NMBR: variants seen among roughly 807,000 people sequenced by gnomAD.
NMBR encodes the protein neuromedin-B receptor.
Under a neutral mutation model 20.5 loss-of-function variants are expected in NMBR, and 16 were observed. That is an observed-to-expected ratio of 0.78 (90% CI 0.53 to 1.19). The LOEUF (loss-of-function observed/expected upper bound fraction) is 1.19, where lower values mean the gene tolerates loss of function less well. Ranked by LOEUF, NMBR falls within the 50% of genes most tolerant of loss-of-function variation. The pLI is 0.00. For synonymous variants in NMBR, 212 were observed against 196.6 expected (o/e 1.08, Z -0.65); for missense variants, 582 against 499.1 (o/e 1.17, Z -1.58).
intron 1 of NMBR, among the ~76,000 whole-genome samples, chr6:142,098,972 G>A (rs1472058398): frequency 1.3e-5 from 2 of 152,146 alleles, no homozygotes; most frequent in Non-Finnish European, 2.9e-5. Context: ...TAGATCAATG[G>A]AAGAGACCAG....
At position 142,075,858 on chromosome 6, in the gene NMBR, T is replaced by C. The variant is rs770978841; in HGVS notation, c.963A>G (p.Pro321=). ...VLSFGNSCVN[P]FALYLLSESF... ...TTTCACTGAGTAGGTAAAGAGCAAA[T>C]GGGTTGACACAAGAATTGCCAAAAC... The change falls in exon 4 of 4, where the codon CCA becomes CCG. Residue 321 remains proline (P), a synonymous_variant. Transcript: ENST00000258042. The C allele has an allele frequency of 1.2e-6, 2 of 1,613,954 alleles. No individual in the cohort carries two copies. The highest frequency in any genetic ancestry group is 1.7e-5 in the Admixed American group (1 of 59,988).
At chr6:142,126,400 A>G (rs531146517) in intron 1 of NMBR, among the ~76,000 whole-genome samples, 2 of 151,938 alleles carry the variant, frequency 1.3e-5, no homozygotes, top group Non-Finnish European at 1.5e-5. Context: ...TGAGATAATG[A>G]TTTCATTCCC....
chr6:142,133,220 A>G (rs1172213266), intron 1 of NMBR: 1 of 647,942 alleles, frequency 1.5e-6, no homozygotes, highest in African/African-American at 1.8e-5. Flanking sequence ...CAAACAAAAA[A>G]TCAATTGTAT....
chr6:142,094,306 C>A (rs1457119265), intron 1 of NMBR, among the ~76,000 whole-genome samples: 1 of 152,110 alleles, frequency 6.6e-6, no homozygotes, highest in East Asian at 1.9e-4. Context: ...AGTCTTTAAT[C>A]CATCTTGAAT....
chr6:142,086,098 T>C (rs1777194236), intron 2 of NMBR, among the ~76,000 whole-genome samples: 1 of 152,048 alleles, frequency 6.6e-6, no homozygotes, highest in Non-Finnish European at 1.5e-5. Flanking sequence ...AAAAATACTA[T>C]TAGTAATTTC....
chr6:142,142,345 T>C (rs990910253), intron 1 of NMBR, among the ~76,000 whole-genome samples: 10 of 152,192 alleles, frequency 6.6e-5, no homozygotes, highest in African/African-American at 1.4e-4. Flanking sequence ...TAGCATAATG[T>C]TGATATTAAA....
chr6:142,125,039 A>G (rs1778006025), intron 1 of NMBR, among the ~76,000 whole-genome samples: 1 of 151,864 alleles, frequency 6.6e-6, no homozygotes, highest in Non-Finnish European at 1.5e-5. Flanking sequence ...TCATGCAGAA[A>G]GACAAACTTA....
chr6:142,125,040 G>T (rs1778006071), intron 1 of NMBR, among the ~76,000 whole-genome samples: 1 of 151,822 alleles, frequency 6.6e-6, no homozygotes, highest in South Asian at 2.1e-4. Flanking sequence ...CATGCAGAAA[G>T]ACAAACTTAA....
At position 142,088,580 on chromosome 6, in the gene NMBR, TTTCCCA is replaced by T; in HGVS notation, c.73_78del (p.Trp25_Glu26del). 1 of 1,613,460 alleles carries T rather than the reference TTTCCCA, an allele frequency of 6.2e-7. No individual in the cohort carries two copies. Among genetic ancestry groups the T allele is most frequent in the Non-Finnish European group, 8.5e-7 (1 of 1,179,972 alleles). On this transcript the variant is annotated inframe_deletion, in exon 2 of 4. Transcript: ENST00000258042. ...CCGTCCGAGGCCGGCAGGAAATCCCTTTCCCACCCCTCGGGAACGGAACCGCTCTCA... is the reference window on the plus strand; with the variant it reads ...CCGTCCGAGGCCGGCAGGAAATCCCTCCCCTCGGGAACGGAACCGCTCTCA...
intron 1 of NMBR, among the ~76,000 whole-genome samples, chr6:142,122,803 T>A (rs548203255): frequency 3.4e-4 from 52 of 152,012 alleles, no homozygotes; most frequent in African/African-American, 1.2e-3. Context: ...CTGAATATTT[T>A]AAATGCACTA....
At chr6:142,136,567 G>T (rs965221121) in intron 1 of NMBR, among the ~76,000 whole-genome samples, 2 of 152,198 alleles carry the variant, frequency 1.3e-5, no homozygotes, top group Non-Finnish European at 1.5e-5. Flanking sequence ...TGAAGTCCTT[G>T]CCCATGCCTA....
At chr6:142,082,071 TA>T (rs1272847282) in intron 2 of NMBR, among the ~76,000 whole-genome samples, 10 of 152,306 alleles carry the variant, frequency 6.6e-5, no homozygotes, top group African/African-American at 1.4e-4. Context: ...AAAAATGGGA[TA>T]TTTTTTACCT....
chr6:142,139,347 C>T (rs1778324317), intron 1 of NMBR, among the ~76,000 whole-genome samples: 2 of 152,118 alleles, frequency 1.3e-5, no homozygotes, highest in South Asian at 2.1e-4. Flanking sequence ...GGGATTTTTC[C>T]ACTCTGACTT....
At position 142,089,210 on chromosome 6, in the gene NMBR, T is replaced by A. The variant is rs1288496131; in HGVS notation, c.-552A>T. 1 of 155,818 alleles carries A rather than the reference T, an allele frequency of 6.4e-6. No homozygotes were observed. Among genetic ancestry groups the A allele is most frequent in the African/African-American group, 2.4e-5 (1 of 41,430 alleles). The allele number at this position is 155,818 out of a possible 1,614,324, so 9.7% of individuals were successfully genotyped here. ...AGGGGAGGTCAGTCCTCCATGCATG[T>A]GTGTGTGCCCCTATATACATCCATC... On this transcript the variant is annotated 5_prime_UTR_variant, in exon 2 of 4. Transcript: ENST00000258042.
At chr6:142,110,604 A>G (rs193019697) in intron 1 of NMBR, among the ~76,000 whole-genome samples, 69 of 152,292 alleles carry the variant, frequency 4.5e-4, no homozygotes, top group African/African-American at 1.6e-3. Context: ...ATGCTTACAG[A>G]TGTGGATTTT....
At chr6:142,079,555 T>C (rs1341077547) in intron 2 of NMBR, among the ~76,000 whole-genome samples, 1 of 152,180 alleles carries the variant, frequency 6.6e-6, no homozygotes, top group African/African-American at 2.4e-5. Flanking sequence ...AATAATATTA[T>C]TCAATTCTTC....
intron 1 of NMBR, among the ~76,000 whole-genome samples, chr6:142,091,527 A>G (rs1777323171): frequency 6.6e-6 from 1 of 152,138 alleles, no homozygotes; most frequent in South Asian, 2.1e-4. Context: ...ACCCAGCCAT[A>G]CAAACTTTAT....
At chr6:142,136,928 G>T (rs1393749982) in intron 1 of NMBR, among the ~76,000 whole-genome samples, 1 of 152,136 alleles carries the variant, frequency 6.6e-6, no homozygotes, top group Admixed American at 6.5e-5. Context: ...GTCAGGTAGG[G>T]TGATGCCTGC....
chr6:142,125,858 G>A (rs892157778), intron 1 of NMBR, among the ~76,000 whole-genome samples: 4 of 151,634 alleles, frequency 2.6e-5, no homozygotes, highest in Admixed American at 2.6e-4. Flanking sequence ...ATCTTTGTGT[G>A]TGTGATAATT....
Sources: gnomAD v4.1 joint callset for allele counts (sites outside exome capture counted in the v4.1 genomes callset) on GRCh38, gnomAD v4.1.1 for gene constraint, MANE v1.5 for transcripts, NCBI Gene and HGNC (gene_info 2026-07-23, HGNC 2026-07-21) for gene names.